Variants in PRKCA observed in about 807,000 individuals in gnomAD.
PRKCA encodes protein kinase C alpha, also known as protein kinase C alpha type.
Under a neutral mutation model 87.0 loss-of-function variants are expected in PRKCA, and 27 were observed. The ratio of observed to expected loss-of-function variants is 0.31; its 90% confidence interval spans 0.23 to 0.43. The LOEUF is 0.43. Among genes scored for constraint, PRKCA ranks in the 20% least tolerant of loss-of-function variants. PRKCA has a pLI of 1.00. For synonymous variants in PRKCA, 329 were observed against 311.1 expected (o/e 1.06, Z -0.61); for missense variants, 518 against 852.3 (o/e 0.61, Z 4.88).
intron 8 of PRKCA, among the ~76,000 whole-genome samples, chr17:66,705,395 C>G (rs1973165889): frequency 6.6e-6 from 1 of 152,166 alleles, no homozygotes; most frequent in Non-Finnish European, 1.5e-5. Context: ...TACAGAATTT[C>G]TCATGAGTCT....
intron 2 of PRKCA, among the ~76,000 whole-genome samples, chr17:66,424,825 T>C (rs1035417115): frequency 7.3e-5 from 11 of 150,888 alleles, no homozygotes; most frequent in Non-Finnish European, 1.3e-4. Flanking sequence ...TCTGGGCTCA[T>C]TGCAGCCTCA....
intron 13 of PRKCA, among the ~76,000 whole-genome samples, chr17:66,765,586 A>G (rs1248532596): frequency 6.8e-6 from 1 of 147,388 alleles, no homozygotes; most frequent in Non-Finnish European, 1.5e-5. Context: ...GCTATTTTGC[A>G]TTTTTTATAC....
At chr17:66,486,101 C>T (rs574555720) in intron 2 of PRKCA, among the ~76,000 whole-genome samples, 7 of 152,248 alleles carry the variant, frequency 4.6e-5, no homozygotes, top group Admixed American at 3.3e-4. Flanking sequence ...CTGAAATCAA[C>T]CCCCAAACAC....
chr17:66,641,487 A>G lies in PRKCA; in HGVS notation c.400+21A>G, dbSNP rs369970372. On this transcript the variant is annotated intron_variant, in intron 4 of 16. Coordinates refer to ENST00000413366, the MANE Select transcript of PRKCA (RefSeq NM_002737.3). ...TGACAGTAAGTAAGTTTTCTTTTCC[A>G]GTTCATAGCGAGGCTCTGTAGCTCA... The G allele has an allele frequency of 1.5e-5, 24 of 1,571,358 alleles. No individual in the cohort carries two copies. The African/African-American group carries it at 3.0e-4, about 19-fold the overall frequency.
chr17:66,768,158 G>A (rs939130912), intron 13 of PRKCA, among the ~76,000 whole-genome samples: 6 of 151,846 alleles, frequency 4.0e-5, no homozygotes, highest in Non-Finnish European at 5.9e-5. Flanking sequence ...TGGCCACTCC[G>A]GTCCCAAACT....
chr17:66,509,102 T>C (rs1281330800), intron 3 of PRKCA, among the ~76,000 whole-genome samples: 1 of 152,092 alleles, frequency 6.6e-6, no homozygotes, highest in Admixed American at 6.5e-5. Context: ...CAGTGTTTCA[T>C]TGGCCAAAGC....
At chr17:66,628,455 CTG>C (rs1331934591) in intron 3 of PRKCA, among the ~76,000 whole-genome samples, 2 of 152,054 alleles carry the variant, frequency 1.3e-5, no homozygotes, top group Admixed American at 1.3e-4. Context: ...TTAACATAAA[CTG>C]TTAGATTTTT....
At chr17:66,763,083 G>A (rs1460254092) in intron 13 of PRKCA, among the ~76,000 whole-genome samples, 2 of 152,230 alleles carry the variant, frequency 1.3e-5, no homozygotes, top group Non-Finnish European at 2.9e-5. Flanking sequence ...GAGCCACTGT[G>A]CCCAGCTTGA....
Position 66,804,153 on chromosome 17 carries a change from C to G in PRKCA, c.*116C>G. On this transcript the variant is annotated 3_prime_UTR_variant, in exon 17 of 17. Transcript: ENST00000413366. ...CCTTGTGTCTGATTCCATATGGAGGCCTGAAAATTGTAGGGTTATTAGTCC... is the reference window on the plus strand; with the variant it reads ...CCTTGTGTCTGATTCCATATGGAGGGCTGAAAATTGTAGGGTTATTAGTCC... The G allele has an allele frequency of 1.4e-6, 2 of 1,397,372 alleles. No individual in the cohort carries two copies. The highest frequency in any genetic ancestry group is 2.9e-5 in the South Asian group (2 of 68,920). 86.6% of individuals were successfully genotyped at this position (1,397,372 alleles called of 1,614,324 possible). A position where few individuals can be genotyped will look rare whatever the true frequency, so the allele number is the denominator to read the frequency against.
Position 66,745,144 on chromosome 17 carries a change from G to C in PRKCA, c.1524+2384G>C, listed in dbSNP as rs138990532. Among the ~76,000 whole-genome samples, 446 of 152,272 alleles carry C rather than the reference G, an allele frequency of 2.9e-3. 2 individuals are homozygous for C. Among genetic ancestry groups the C allele is most frequent in the Non-Finnish European group, 3.6e-3 (243 of 68,026 alleles). On this transcript the variant is annotated intron_variant, in intron 13 of 16. Transcript: ENST00000413366. ...GATGTGGACATCTGTTGGGGAGAGG[G>C]GACTTAGTCTATCACACTTGTTATA...
At chr17:66,602,974 C>G (rs1004691409) in intron 3 of PRKCA, among the ~76,000 whole-genome samples, 23 of 152,156 alleles carry the variant, frequency 1.5e-4, no homozygotes, top group Non-Finnish European at 3.1e-4. Context: ...GTCTCTCTTT[C>G]CCTTCTTTCT....
chr17:66,322,631 T>C (rs1273203226), intron 2 of PRKCA, among the ~76,000 whole-genome samples: 1 of 137,938 alleles, frequency 7.2e-6, no homozygotes, highest in Non-Finnish European at 1.5e-5. Context: ...CCCAGCTAAT[T>C]TTTAATTGTT....
At chr17:66,535,716 G>A (rs1373700870) in intron 3 of PRKCA, among the ~76,000 whole-genome samples, 1 of 152,126 alleles carries the variant, frequency 6.6e-6, no homozygotes, top group Non-Finnish European at 1.5e-5. Context: ...TCACTACCTG[G>A]TCACTATCTC....
At chr17:66,569,535 C>T (rs1969005288) in intron 3 of PRKCA, among the ~76,000 whole-genome samples, 1 of 152,146 alleles carries the variant, frequency 6.6e-6, no homozygotes, top group Non-Finnish European at 1.5e-5. Context: ...TGCCACTGCA[C>T]TCCAGCCTGA....
intron 2 of PRKCA, among the ~76,000 whole-genome samples, chr17:66,455,223 A>G (rs901135460): frequency 1.3e-4 from 20 of 152,314 alleles, no homozygotes; most frequent in African/African-American, 4.6e-4. Context: ...TTGGCAATAC[A>G]TGACCGAATT....
chr17:66,369,911 A>G (rs115057391), intron 2 of PRKCA, among the ~76,000 whole-genome samples: 2,081 of 152,354 alleles, frequency 0.014, 55 homozygotes, highest in African/African-American at 0.048. Context: ...CATCACTGCC[A>G]GGAGACCTGT....
chr17:66,717,179 G>A (rs1973498246), intron 8 of PRKCA, among the ~76,000 whole-genome samples: 1 of 152,126 alleles, frequency 6.6e-6, no homozygotes, highest in Non-Finnish European at 1.5e-5. Context: ...CGTGATACAG[G>A]GCAAGGGTCA....
intron 3 of PRKCA, among the ~76,000 whole-genome samples, chr17:66,562,727 G>A (rs1968755475): frequency 6.6e-6 from 1 of 152,104 alleles, no homozygotes; most frequent in South Asian, 2.1e-4. Context: ...CTTCTGAGTA[G>A]CTGGGATTAC....
intron 3 of PRKCA, among the ~76,000 whole-genome samples, chr17:66,530,113 T>C (rs941779013): frequency 3.3e-5 from 5 of 152,214 alleles, no homozygotes; most frequent in African/African-American, 9.6e-5. Context: ...TCAGTGTTCT[T>C]TGGCAGCTGC....
Sources: allele counts gnomAD v4.1 joint callset (sites outside exome capture counted in the v4.1 genomes callset), GRCh38; gene constraint gnomAD v4.1.1; transcripts MANE v1.5; gene names NCBI Gene and HGNC (gene_info 2026-07-23, HGNC 2026-07-21).